IL16: variants seen among roughly 807,000 people sequenced by gnomAD.
The protein encoded by IL16 is pro-interleukin-16.
In IL16, 67 loss-of-function variants were observed where a neutral mutation model predicts 110.1. The observed-to-expected ratio is 0.61, with a 90% CI of 0.50 to 0.75. The LOEUF is 0.75. Ranked by LOEUF, IL16 falls within the 30% of genes least tolerant of loss-of-function variation. IL16 has a pLI of 0.00. For missense variants in IL16, 1,545 were observed against 1,655.0 expected (o/e 0.93, Z 1.15); for synonymous variants, 689 against 662.9 (o/e 1.04, Z -0.61).
In IL16 at chr15:81,299,985, T is replaced by C. The variant is rs2141610053; in HGVS notation, c.2659T>C (p.Leu887=). Residue 887 remains leucine (L), a synonymous_variant, in exon 14 of 19, where the codon TTG becomes CTG. Transcript: ENST00000683961. ...KHEEGRFSGL[L]GRGAAPTLVP... ...TGAGGAAGGACGGTTTTCTGGACTCTTGGGGCGAGGGGCTGCACCCACTCT... is the reference window on the plus strand; with the variant it reads ...TGAGGAAGGACGGTTTTCTGGACTCCTGGGGCGAGGGGCTGCACCCACTCT... The C allele has an allele frequency of 1.2e-6, 2 of 1,601,348 alleles. No individual in the cohort carries two copies. The highest frequency in any genetic ancestry group is 1.7e-5 in the Admixed American group (1 of 58,988).
intron 2 of IL16, among the ~76,000 whole-genome samples, chr15:81,254,921 A>G (rs897966978): frequency 4.6e-5 from 7 of 152,232 alleles, no homozygotes; most frequent in African/African-American, 1.4e-4. Context: ...ATCAGTTACT[A>G]TTAAAAGTAA....
Position 81,232,355 on chromosome 15 carries a change from A to G in IL16, c.312+6644A>G, listed in dbSNP as rs192345669. On this transcript the variant is annotated intron_variant, in intron 2 of 18. Coordinates refer to ENST00000683961, the MANE Select transcript of IL16 (RefSeq NM_172217.5). ...TTTTTCCCCTTTATTTTACAGGCTA[A>G]GGCCTACAGTGCAATGTCGAATAGA... is the stretch of plus-strand genomic sequence containing the variant. 3.7e-3 allele frequency among the ~76,000 whole-genome samples: 558 copies of G among 152,168 alleles called. 4 individuals are homozygous for G. Among genetic ancestry groups the G allele is most frequent in the African/African-American group, 0.013 (531 of 41,512 alleles).
intron 4 of IL16, among the ~76,000 whole-genome samples, chr15:81,266,338 T>C (rs1347600893): frequency 6.6e-6 from 1 of 152,144 alleles, no homozygotes; most frequent in Admixed American, 6.5e-5. Context: ...TAGAAAGGAA[T>C]ATGTTGTTAG....
intron 4 of IL16, among the ~76,000 whole-genome samples, chr15:81,266,394 G>A (rs1898383379): frequency 6.6e-6 from 1 of 152,168 alleles, no homozygotes; most frequent in African/African-American, 2.4e-5. Context: ...GTGAGTAGCT[G>A]GGTTTATGCA....
rs192971268 is a variant in IL16 at position 81,273,244 on chromosome 15, C to T, written c.790+40C>T. The T allele has an allele frequency of 2.7e-5, 38 of 1,416,788 alleles. No individual in the cohort carries two copies. The East Asian group carries it at 8.1e-4, about 30-fold the overall frequency. The allele number at this position is 1,416,788 out of a possible 1,614,324, so 87.8% of individuals were successfully genotyped here. A position where few individuals can be genotyped will look rare whatever the true frequency, so the allele number is the denominator to read the frequency against. On this transcript the variant is annotated intron_variant, in intron 6 of 18. Coordinates refer to ENST00000683961, the MANE Select transcript of IL16 (RefSeq NM_172217.5). The stretch of plus-strand genomic sequence containing the variant: ...CCTTTTCAGACCATGGTGGAGGAAT[C>T]AGAAGCAGAATCCAGAATTGCTGGG...
chr15:81,184,046 C>G (rs1253784851), intron 1 of IL16, among the ~76,000 whole-genome samples: 1 of 152,150 alleles, frequency 6.6e-6, no homozygotes, highest in African/African-American at 2.4e-5. Flanking sequence ...GAAAAGAGTG[C>G]TTGAGGGCCC....
chr15:81,298,950 C>T (rs543738907), intron 13 of IL16, among the ~76,000 whole-genome samples: 27 of 152,364 alleles, frequency 1.8e-4, no homozygotes, highest in East Asian at 7.7e-4. Flanking sequence ...AAAGTTTAAA[C>T]GGCAGGAGAA....
intron 1 of IL16, among the ~76,000 whole-genome samples, chr15:81,207,509 G>T (rs919805052): frequency 1.3e-5 from 2 of 150,990 alleles, no homozygotes; most frequent in Non-Finnish European, 2.9e-5. Flanking sequence ...TTTAACCCAC[G>T]CCCCACCTCC....
chr15:81,195,353 G>C (rs1260543636), upstream of IL16, among the ~76,000 whole-genome samples: 4 of 152,204 alleles, frequency 2.6e-5, no homozygotes, highest in African/African-American at 9.6e-5. Flanking sequence ...CAAGATGGAA[G>C]TGGGGCCTGA....
At chr15:81,269,460 G>T in intron 4 of IL16, 78 bp from the exon 5 acceptor site, 1 of 966,862 alleles carries the variant, frequency 1.0e-6, no homozygotes, top group South Asian at 1.3e-5. Context: ...CTTTGGCTGG[G>T]CTTTTCCCCT....
At chr15:81,262,088 T>C (rs1357299854) in intron 3 of IL16, among the ~76,000 whole-genome samples, 1 of 152,026 alleles carries the variant, frequency 6.6e-6, no homozygotes, top group African/African-American at 2.4e-5. Flanking sequence ...AGAGGTGAAG[T>C]TAAACATTCA....
intron 2 of IL16, among the ~76,000 whole-genome samples, 161 bp downstream of exon 2, chr15:81,225,872 C>T (rs1896773275): frequency 6.6e-6 from 1 of 152,180 alleles, no homozygotes; most frequent in African/African-American, 2.4e-5. Flanking sequence ...GGAACTGTAA[C>T]AATGAGTATG....
rs979710979 is a variant in IL16, at chr15:81,303,865, A to G, written c.3420+215A>G. Among the ~76,000 whole-genome samples, 10 of 152,228 alleles carry G rather than the reference A, an allele frequency of 6.6e-5. No individual in the cohort carries two copies. The highest frequency in any genetic ancestry group is 2.4e-4 in the African/African-American group (10 of 41,464). On this transcript the variant is annotated intron_variant, in intron 16 of 18. Transcript: ENST00000683961. This position sits in a 1 kb window ranked among gnomAD's most constrained non-coding sequence, Gnocchi z 4.1. ...ATGGGCATCTTTTCCTGTGGGTCCCACTATTCTGGCTCATCCAATCTGATC... is the reference window on the plus strand; with the variant it reads ...ATGGGCATCTTTTCCTGTGGGTCCCGCTATTCTGGCTCATCCAATCTGATC...
At chr15:81,195,111 A>G (rs752714619), upstream of IL16, among the ~76,000 whole-genome samples, 28 of 152,190 alleles carry the variant, frequency 1.8e-4, no homozygotes, top group Non-Finnish European at 2.9e-4. Flanking sequence ...ATCAGGGCCA[A>G]GTCTCAACTA....
intron 2 of IL16, among the ~76,000 whole-genome samples, chr15:81,253,348 A>G (rs61683069): frequency 0.11 from 16,033 of 152,192 alleles, 1,182 homozygotes; most frequent in East Asian, 0.29. Flanking sequence ...AGTGGTAAGC[A>G]TCCTTTGTAT....
intron 2 of IL16, among the ~76,000 whole-genome samples, chr15:81,232,071 T>C (rs1897024657): frequency 7.0e-6 from 1 of 142,562 alleles, no homozygotes; most frequent in Non-Finnish European, 1.5e-5. Flanking sequence ...TTTTTTCTTT[T>C]TTTTTTCACA....
At chr15:81,262,075 A>T (rs1313479336) in intron 3 of IL16, among the ~76,000 whole-genome samples, 12 of 152,138 alleles carry the variant, frequency 7.9e-5, no homozygotes, top group Admixed American at 6.5e-4. Flanking sequence ...TGCCCCCCCG[A>T]AAAGAGGTGA....
intron 2 of IL16, among the ~76,000 whole-genome samples, chr15:81,245,152 A>G (rs910405927): frequency 2.6e-5 from 4 of 152,170 alleles, no homozygotes; most frequent in African/African-American, 9.7e-5. Flanking sequence ...CAGTGTTGGC[A>G]TCTATTGATG....
rs1900950497 is a variant in IL16, at chr15:81,313,124, A to G, written c.*4326A>G. 2.7e-6 allele frequency: 3 copies of G among 1,127,878 alleles called. No individual in the cohort carries two copies. Among genetic ancestry groups the G allele is most frequent in the Non-Finnish European group, 2.4e-6 (2 of 837,820 alleles). The allele number at this position is 1,127,878 out of a possible 1,614,324, so 69.9% of individuals were successfully genotyped here. A position where few individuals can be genotyped will look rare whatever the true frequency, so the allele number is the denominator to read the frequency against. On this transcript the variant is annotated 3_prime_UTR_variant, in exon 19 of 19. Transcript: ENST00000683961. ...TGCCGCCTCTGGTTGGCATTCTCAG[A>G]GATGCGCAGTCCATCAGCTTGTTCC...
Sources: allele counts gnomAD v4.1 joint callset (sites outside exome capture counted in the v4.1 genomes callset), GRCh38; gene constraint gnomAD v4.1.1; non-coding constraint Gnocchi (gnomAD v3.1); transcripts MANE v1.5; gene names NCBI Gene and HGNC (gene_info 2026-07-23, HGNC 2026-07-21).